EIF4A2: variants seen among roughly 807,000 people sequenced by gnomAD.
EIF4A2 encodes eukaryotic initiation factor 4A-II.
A neutral mutation model predicts 50.6 loss-of-function variants in EIF4A2; 9 were observed. The observed-to-expected ratio is 0.18, with a 90% CI of 0.11 to 0.31. The LOEUF (loss-of-function observed/expected upper bound fraction) is 0.31. Among genes scored for constraint, EIF4A2 ranks in the 10% least tolerant of loss-of-function variants. EIF4A2 has a pLI of 1.00. For missense variants in EIF4A2, 182 were observed against 501.8 expected (o/e 0.36, Z 6.09); for synonymous variants, 215 against 164.4 (o/e 1.31, Z -2.35).
At chr3:186,786,466 G>GT in intron 6 of EIF4A2, 36 bp from the exon 7 acceptor site, 14 of 1,605,910 alleles carry the variant, frequency 8.7e-6, no homozygotes, top group Non-Finnish European at 1.2e-5. Flanking sequence ...GTATTAATGT[G>GT]TAAGTTGTGC....
In EIF4A2 at chr3:186,789,842, A is replaced by G; in HGVS notation, c.*573A>G. On this transcript the variant is annotated 3_prime_UTR_variant, in exon 11 of 11. Transcript: ENST00000323963. Reference sequence around the variant, plus strand: ...GTTTAATCCCCAGTAAAATTGCCATATTGCACATGTCTTAATGAAGTTTGA... The same window carrying G: ...GTTTAATCCCCAGTAAAATTGCCATGTTGCACATGTCTTAATGAAGTTTGA... 1.4e-6 allele frequency: 1 copy of G among 693,724 alleles called. No individual in the cohort carries two copies. Among genetic ancestry groups the G allele is most frequent in the South Asian group, 1.9e-5 (1 of 52,822 alleles). 43.0% of individuals were successfully genotyped at this position (693,724 alleles called of 1,614,324 possible).
At position 186,789,294 on chromosome 3, in the gene EIF4A2, C is replaced by T. The variant is rs1430907324; in HGVS notation, c.*25C>T. The T allele has an allele frequency of 1.3e-6, 2 of 1,595,866 alleles. No individual in the cohort carries two copies. Among genetic ancestry groups the T allele is most frequent in the East Asian group, 2.3e-5 (1 of 44,346 alleles). ...ATTCCTGGGATGAGAGTTTTGGATG[C>T]AGTGCTCGCTGTTGCTGAATAGGCG... is the stretch of plus-strand genomic sequence containing the variant. On this transcript the variant is annotated 3_prime_UTR_variant, in exon 11 of 11. Coordinates refer to ENST00000323963, the MANE Select transcript of EIF4A2 (RefSeq NM_001967.4).
At position 186,788,723 on chromosome 3, in the gene EIF4A2, G is replaced by GT. The variant is rs1461121339; in HGVS notation, c.1080-399dup. The GT allele has an allele frequency of 1.3e-5, 3 of 232,134 alleles. No homozygotes were observed. In the South Asian group the frequency reaches 1.7e-4, roughly 13 times the overall value. The allele number at this position is 232,134 out of a possible 1,614,324, so 14.4% of individuals were successfully genotyped here. ...TTAACCTTTGCAGCATTTGTTTACAGTTTACAGTTCCAGAAGTGCGTCGAA... is the reference window on the plus strand; with the variant it reads ...TTAACCTTTGCAGCATTTGTTTACAGTTTTACAGTTCCAGAAGTGCGTCGAA... On this transcript the variant is annotated intron_variant, in intron 10 of 10. Transcript: ENST00000323963.
chr3:186,786,475 G>C, intron 6 of EIF4A2, 27 bp from the exon 7 acceptor site: 3 of 1,608,696 alleles, frequency 1.9e-6, no homozygotes, highest in Non-Finnish European at 2.5e-6. Context: ...TGTAAGTTGT[G>C]CTACAACATA....
chr3:186,789,493 G>A lies in EIF4A2; in HGVS notation c.*224G>A, dbSNP rs1721994020. On this transcript the variant is annotated 3_prime_UTR_variant, in exon 11 of 11. Transcript: ENST00000323963. The stretch of plus-strand genomic sequence containing the variant: ...TTAGACTGTTGGGGTGGGTATAAAA[G>A]ATGGGGTCTGTAAAATCTTTCTTTC... 2.2e-6 allele frequency: 1 copy of A among 447,816 alleles called. No homozygotes were observed. The highest frequency in any genetic ancestry group is 4.1e-5 in the Admixed American group (1 of 24,258). 27.7% of individuals were successfully genotyped at this position (447,816 alleles called of 1,614,324 possible).
chr3:186,786,111 A>G (rs1721687896), intron 5 of EIF4A2, 53 bp from the exon 6 acceptor site: 4 of 1,601,416 alleles, frequency 2.5e-6, no homozygotes, highest in South Asian at 2.2e-5. Flanking sequence ...TGAAAAGTCA[A>G]ATTGTATCAC....
chr3:186,786,714 A>G (rs376257420), intron 7 of EIF4A2, 69 bp downstream of exon 7: 2 of 1,601,246 alleles, frequency 1.2e-6, no homozygotes, highest in African/African-American at 1.4e-5. Flanking sequence ...TGCAGACACT[A>G]GGACCATGTC....
chr3:186,787,912 A>G (rs765484874), intron 10 of EIF4A2, 30 bp downstream of exon 10: 19 of 1,608,226 alleles, frequency 1.2e-5, no homozygotes, highest in Non-Finnish European at 1.4e-5. Context: ...GCTGTATTGA[A>G]AAAAATTCAT....
At chr3:186,785,271 A>G (rs1187231730) in intron 4 of EIF4A2, 170 bp downstream of exon 4, 3 of 931,978 alleles carry the variant, frequency 3.2e-6, no homozygotes, top group Non-Finnish European at 1.6e-6. Context: ...CTGGGTATGC[A>G]GGTATGGTTT....
At chr3:186,786,980 G>C (rs1270115653) in intron 7 of EIF4A2, 147 bp from the exon 8 acceptor site, 17 of 1,227,588 alleles carry the variant, frequency 1.4e-5, no homozygotes, top group Non-Finnish European at 1.7e-5. Context: ...TGAAACCCTG[G>C]TCTGGTTGGA....
rs1579161218 is a variant in EIF4A2, at chr3:186,786,419, AAGAC to A, written c.628-79_628-76del. The A allele has an allele frequency of 3.5e-5, 55 of 1,562,518 alleles. No individual in the cohort carries two copies. The East Asian group carries it at 7.9e-4, about 22-fold the overall frequency. On this transcript the variant is annotated intron_variant, in intron 6 of 10. Transcript: ENST00000323963. ...ACTCTGTCTACCTTCATTCCGTAGT[AAGAC>A]AGAGACGCTTGGCTTCAGACATTTT...
At chr3:186,788,711 C>T (rs1247817408) in intron 10 of EIF4A2, 1 of 229,304 alleles carries the variant, frequency 4.4e-6, no homozygotes, top group East Asian at 1.1e-4. Context: ...ACCTTTGCAG[C>T]ATTTGTTTAC....
rs373617724 is a variant in EIF4A2, at chr3:186,787,969, A to G, written c.1079+87A>G. On this transcript the variant is annotated intron_variant, in intron 10 of 10. Transcript: ENST00000323963. ...TATGAAAGGTAACATCAAATCAAGG[A>G]ATAGATTCAGTAAAGTCAGTAGTGT... 2.9e-5 allele frequency: 40 copies of G among 1,387,182 alleles called. 1 individual carries two copies. Among genetic ancestry groups the G allele is most frequent in the Admixed American group, 1.7e-4 (9 of 52,592 alleles). The allele number at this position is 1,387,182 out of a possible 1,614,324, so 85.9% of individuals were successfully genotyped here.
In EIF4A2 at chr3:186,786,831, C is replaced by CT. The variant is rs780942694; in HGVS notation, c.771+188dup. On this transcript the variant is annotated intron_variant, in intron 7 of 10. Coordinates refer to ENST00000323963, the MANE Select transcript of EIF4A2 (RefSeq NM_001967.4). The stretch of plus-strand genomic sequence containing the variant: ...TTTCTTAATGTCCAATGTCCTTTGT[C>CT]TTAAGATTTGGTGCAATATCTCATT... 19 of 942,870 alleles carry CT rather than the reference C, an allele frequency of 2.0e-5. No homozygotes were observed. In the African/African-American group the frequency reaches 2.7e-4, roughly 14 times the overall value. The allele number at this position is 942,870 out of a possible 1,614,324, so 58.4% of individuals were successfully genotyped here.
chr3:186,784,360 A>C, intron 1 of EIF4A2, 72 bp from the exon 2 acceptor site: 1 of 1,611,302 alleles, frequency 6.2e-7, no homozygotes, highest in South Asian at 1.1e-5. Flanking sequence ...ACGGGTTGCA[A>C]AGGGCTATGC....
rs1450644377 is a variant in EIF4A2, at chr3:186,789,636, A to T, written c.*367A>T. On this transcript the variant is annotated 3_prime_UTR_variant, in exon 11 of 11. Transcript: ENST00000323963. ...TGTATAAAATCAGCCAATTATGTTAAACTAGCATATCTGCCTTTATTGTGT... is the reference window on the plus strand; with the variant it reads ...TGTATAAAATCAGCCAATTATGTTATACTAGCATATCTGCCTTTATTGTGT... 3.0e-6 allele frequency: 1 copy of T among 337,052 alleles called. No individual in the cohort carries two copies. 20.9% of individuals were successfully genotyped at this position (337,052 alleles called of 1,614,324 possible). A position where few individuals can be genotyped will look rare whatever the true frequency, so the allele number is the denominator to read the frequency against.
chr3:186,784,888 A>G (rs1434325107), intron 3 of EIF4A2, 74 bp from the exon 4 acceptor site: 2 of 1,612,470 alleles, frequency 1.2e-6, no homozygotes, highest in Non-Finnish European at 1.7e-6. Context: ...TAATGTTCCA[A>G]ATGGAATACA....
At chr3:186,786,984 G>T (rs1228107150) in intron 7 of EIF4A2, 143 bp from the exon 8 acceptor site, 1 of 1,257,052 alleles carries the variant, frequency 8.0e-7, no homozygotes, top group Non-Finnish European at 1.1e-6. Flanking sequence ...ACCCTGGTCT[G>T]GTTGGAACTC....
At chr3:186,786,835 A>T (rs747874699) in intron 7 of EIF4A2, 190 bp downstream of exon 7, 3 of 928,140 alleles carry the variant, frequency 3.2e-6, no homozygotes. Flanking sequence ...CTTTGTCTTA[A>T]GATTTGGTGC....
Sources: allele counts gnomAD v4.1 joint callset, GRCh38; gene constraint gnomAD v4.1.1; transcripts MANE v1.5; gene names NCBI Gene and HGNC (gene_info 2026-07-23, HGNC 2026-07-21).